Variants in RNF216 observed in about 807,000 individuals in gnomAD.
RNF216 encodes ring finger protein 216.
In RNF216, 72 loss-of-function variants were observed where a neutral mutation model predicts 110.8. That is an observed-to-expected ratio of 0.65 (90% CI 0.54 to 0.79). RNF216 has a LOEUF of 0.79. RNF216 is among the 30% of genes least tolerant of loss of function. The probability of loss-of-function intolerance (pLI) is 0.00; values close to 1 mark genes in which losing one functional copy is unlikely to be tolerated. For synonymous variants in RNF216, 495 were observed against 407.5 expected (o/e 1.21, Z -2.59); for missense variants, 1,342 against 1,141.2 (o/e 1.18, Z -2.54).
intron 15 of RNF216, among the ~76,000 whole-genome samples, chr7:5,632,270 T>C (rs1201057176): frequency 6.6e-6 from 1 of 152,244 alleles, no homozygotes; most frequent in Non-Finnish European, 1.5e-5. Flanking sequence ...GTGCATCCCC[T>C]CGAGGGCTGC....
chr7:5,721,230 C>A (rs990809470), intron 8 of RNF216, 58 bp from the exon 9 acceptor site: 30 of 1,470,438 alleles, frequency 2.0e-5, no homozygotes, highest in Non-Finnish European at 2.8e-5. Context: ...GGAACCTGGG[C>A]CAGCCATGTC....
intron 15 of RNF216, among the ~76,000 whole-genome samples, chr7:5,627,518 C>G (rs952136191): frequency 1.3e-5 from 2 of 152,182 alleles, no homozygotes; most frequent in African/African-American, 4.8e-5. Flanking sequence ...GAGGCTGAGG[C>G]AGGCGGACCA....
At chr7:5,718,639 C>T (rs1793218108) in intron 9 of RNF216, among the ~76,000 whole-genome samples, 1 of 151,780 alleles carries the variant, frequency 6.6e-6, no homozygotes, top group African/African-American at 2.4e-5. Flanking sequence ...CAACCTCGAC[C>T]TCCCATGTTC....
intron 13 of RNF216, among the ~76,000 whole-genome samples, chr7:5,710,005 C>A (rs1792565354): frequency 6.6e-6 from 1 of 152,168 alleles, no homozygotes; most frequent in Non-Finnish European, 1.5e-5. Context: ...CCTCCTGCCT[C>A]AGCCTCTCAA....
At chr7:5,668,993 A>T (rs1223993002) in intron 13 of RNF216, among the ~76,000 whole-genome samples, 9 of 152,236 alleles carry the variant, frequency 5.9e-5, no homozygotes, top group African/African-American at 2.2e-4. Flanking sequence ...CCCCAGGAAT[A>T]TGAGCAGGAG....
chr7:5,656,641 T>A (rs1334815195), intron 13 of RNF216, among the ~76,000 whole-genome samples: 1 of 152,022 alleles, frequency 6.6e-6, no homozygotes, highest in Non-Finnish European at 1.5e-5. Context: ...ATCATGGAGG[T>A]TGCTGGTTAA....
In RNF216 at chr7:5,741,406, G is replaced by A; in HGVS notation, c.611C>T (p.Ser204Leu). Residue 204 changes from serine to leucine, a missense_variant, in exon 4 of 17, where the codon TCA (serine) becomes TTA (leucine). By Grantham distance (145) the Ser-to-Leu change is moderately radical. Coordinates refer to ENST00000389902, the MANE Select transcript of RNF216 (RefSeq NM_207111.4). ...LETQNQSSED[S>L]ETELLSNLGE... ...TAGATTTGATAACAGCTCTGTCTCT[G>A]AGTCTTCGGATGACTGGTTCTGAGT... is the stretch of plus-strand genomic sequence containing the variant. 1 of 1,614,198 alleles carries A rather than the reference G, an allele frequency of 6.2e-7. No homozygotes were observed. The highest frequency in any genetic ancestry group is 8.5e-7 in the Non-Finnish European group (1 of 1,180,036).
chr7:5,652,373 T>A, intron 14 of RNF216, 40 bp downstream of exon 14: 2 of 1,435,678 alleles, frequency 1.4e-6, no homozygotes, highest in Non-Finnish European at 2.0e-6. Context: ...ATGGGGAAGT[T>A]GAGAATCAGC....
At chr7:5,633,699 C>T (rs1470785611) in intron 15 of RNF216, among the ~76,000 whole-genome samples, 2 of 152,184 alleles carry the variant, frequency 1.3e-5, no homozygotes, top group African/African-American at 4.8e-5. Context: ...AGAACTCAGC[C>T]TGACACAGAA....
At chr7:5,716,612 G>T (rs1469598467) in intron 10 of RNF216, 104 bp downstream of exon 10, 2 of 853,410 alleles carry the variant, frequency 2.3e-6, no homozygotes, top group African/African-American at 1.7e-5. Context: ...CCAAACAGGA[G>T]GTTATCCAAA....
chr7:5,693,611 C>G (rs776010018), intron 13 of RNF216, among the ~76,000 whole-genome samples: 1 of 152,186 alleles, frequency 6.6e-6, no homozygotes, highest in Non-Finnish European at 1.5e-5. Flanking sequence ...TACAACCTCC[C>G]CAAGTGTCAA....
At chr7:5,642,516 A>AT (rs889280380) in intron 14 of RNF216, among the ~76,000 whole-genome samples, 8 of 149,948 alleles carry the variant, frequency 5.3e-5, no homozygotes, top group African/African-American at 1.2e-4. Context: ...TGCCTGGCCT[A>AT]TTTTTTTTGA....
chr7:5,671,590 G>T (rs536268267), intron 13 of RNF216, among the ~76,000 whole-genome samples: 1 of 152,204 alleles, frequency 6.6e-6, no homozygotes, highest in Non-Finnish European at 1.5e-5. Flanking sequence ...GGATCAAGAG[G>T]TCAGCAGTTC....
At chr7:5,719,179 G>A (rs932128812) in intron 9 of RNF216, among the ~76,000 whole-genome samples, 1 of 152,116 alleles carries the variant, frequency 6.6e-6, no homozygotes, top group African/African-American at 2.4e-5. Context: ...CCAGAAGTTC[G>A]AGACCAGCCT....
At chr7:5,645,752 A>G (rs950711406) in intron 14 of RNF216, among the ~76,000 whole-genome samples, 1 of 151,960 alleles carries the variant, frequency 6.6e-6, no homozygotes, top group African/African-American at 2.4e-5. Context: ...CACCACATCC[A>G]GCTAATTTTT....
chr7:5,733,648 C>A (rs1794217853), intron 5 of RNF216, among the ~76,000 whole-genome samples: 1 of 137,918 alleles, frequency 7.3e-6, no homozygotes, highest in African/African-American at 2.7e-5. Flanking sequence ...ATTTCATAAC[C>A]AGGAAAACAT....
intron 1 of RNF216, among the ~76,000 whole-genome samples, chr7:5,766,318 A>T (rs1370033768): frequency 6.6e-6 from 1 of 152,088 alleles, no homozygotes; most frequent in Non-Finnish European, 1.5e-5. Context: ...CAAACAAAAA[A>T]ATCCTTGAGT....
At chr7:5,647,318 T>C (rs1157619652) in intron 14 of RNF216, among the ~76,000 whole-genome samples, 1 of 138,184 alleles carries the variant, frequency 7.2e-6, no homozygotes. Context: ...AACCTTCATT[T>C]TCTTTCTTTC....
chr7:5,747,116 T>G (rs929262635), intron 3 of RNF216, among the ~76,000 whole-genome samples: 1 of 152,212 alleles, frequency 6.6e-6, no homozygotes, highest in Admixed American at 6.5e-5. Context: ...CTGAGTTGCC[T>G]TTCTTCTCTG....
Sources: gnomAD v4.1 joint callset for allele counts (sites outside exome capture counted in the v4.1 genomes callset) on GRCh38, gnomAD v4.1.1 for gene constraint, MANE v1.5 for transcripts, NCBI Gene and HGNC (gene_info 2026-07-23, HGNC 2026-07-21) for gene names.